GNA14: variants seen among roughly 807,000 people sequenced by gnomAD.
The protein encoded by GNA14 is guanine nucleotide-binding protein subunit alpha-14.
In GNA14, 50 loss-of-function variants were observed where a neutral mutation model predicts 42.0. The observed-to-expected ratio is 1.19, with a 90% CI of 0.95 to 1.51. The LOEUF (loss-of-function observed/expected upper bound fraction) is 1.51. Ranked by LOEUF, GNA14 falls within the 40% of genes most tolerant of loss-of-function variation. The probability of loss-of-function intolerance (pLI) is 0.00; values close to 1 mark genes in which losing one functional copy is unlikely to be tolerated. For synonymous variants in GNA14, 173 were observed against 163.1 expected (o/e 1.06, Z -0.46); for missense variants, 473 against 446.2 (o/e 1.06, Z -0.54).
chr9:77,618,594 A>ATATATGTATG (rs958098574), intron 1 of GNA14, among the ~76,000 whole-genome samples: 1 of 12,336 alleles, frequency 8.1e-5, no homozygotes, highest in African/African-American at 3.0e-4. Flanking sequence ...ATATATATAT[A>ATATATGTATG]TATATATATA....
chr9:77,488,766 T>G (rs1182694609), intron 2 of GNA14, among the ~76,000 whole-genome samples: 1 of 125,564 alleles, frequency 8.0e-6, no homozygotes, highest in Non-Finnish European at 1.7e-5. Context: ...AAAGACTCTT[T>G]AAGCAAACAC....
At chr9:77,547,994 C>T (rs942383295) in intron 1 of GNA14, among the ~76,000 whole-genome samples, 1 of 152,128 alleles carries the variant, frequency 6.6e-6, no homozygotes, top group Admixed American at 6.6e-5. Context: ...AAGACAAGGT[C>T]GGAGATGGGA....
At chr9:77,564,148 G>A (rs73460100) in intron 1 of GNA14, among the ~76,000 whole-genome samples, 5 of 152,026 alleles carry the variant, frequency 3.3e-5, no homozygotes, top group Non-Finnish European at 7.4e-5. Context: ...GAGTCTACTG[G>A]TAATTGTTTG....
At chr9:77,626,323 A>G (rs1824012464) in intron 1 of GNA14, among the ~76,000 whole-genome samples, 2 of 152,162 alleles carry the variant, frequency 1.3e-5, no homozygotes, top group South Asian at 2.1e-4. Context: ...TCAATATTAG[A>G]TCAATGAGAC....
intron 1 of GNA14, among the ~76,000 whole-genome samples, chr9:77,558,938 A>C (rs1301094539): frequency 6.6e-6 from 1 of 151,882 alleles, no homozygotes; most frequent in Non-Finnish European, 1.5e-5. Flanking sequence ...ACAAAAAAAA[A>C]AACAAAAAAC....
chr9:77,436,981 G>C lies in GNA14; in HGVS notation c.310-2459C>G, dbSNP rs539587842. Among the ~76,000 whole-genome samples the C allele has an allele frequency of 1.9e-3, 284 of 152,358 alleles. 1 individual carries two copies. The highest frequency in any genetic ancestry group is 6.3e-3 in the African/African-American group (262 of 41,594). On this transcript the variant is annotated intron_variant, in intron 2 of 6. Transcript: ENST00000341700. ...CGGAGCAGGTCAGGGCCTCCTCTCA[G>C]AGGAGGAGATGCTCAGGCAACGCTT...
chr9:77,433,776 T>C (rs1835596719), intron 3 of GNA14, among the ~76,000 whole-genome samples: 1 of 152,212 alleles, frequency 6.6e-6, no homozygotes, highest in Non-Finnish European at 1.5e-5. Flanking sequence ...GGATCCAAAA[T>C]ACAGTGTGTA....
At chr9:77,599,357 T>C (rs997258757) in intron 1 of GNA14, among the ~76,000 whole-genome samples, 1 of 152,122 alleles carries the variant, frequency 6.6e-6, no homozygotes, top group African/African-American at 2.4e-5. Flanking sequence ...GAACGGAGAA[T>C]TTTTGAATAG....
chr9:77,532,284 T>A (rs1030937088), intron 1 of GNA14, among the ~76,000 whole-genome samples: 2 of 152,214 alleles, frequency 1.3e-5, no homozygotes, highest in African/African-American at 4.8e-5. Flanking sequence ...TTACACTGCT[T>A]ATTTCCCCCA....
intron 1 of GNA14, among the ~76,000 whole-genome samples, chr9:77,587,454 G>C (rs1046773074): frequency 6.6e-6 from 1 of 152,120 alleles, no homozygotes; most frequent in South Asian, 2.1e-4. Context: ...ATATACAATG[G>C]AATATTATTC....
intron 1 of GNA14, among the ~76,000 whole-genome samples, chr9:77,537,942 T>A (rs2131774411): frequency 6.6e-6 from 1 of 152,320 alleles, no homozygotes; most frequent in East Asian, 1.9e-4. Context: ...TGTTGAGTTA[T>A]TTGAGTTCCT....
At chr9:77,466,064 G>A (rs183956111) in intron 2 of GNA14, among the ~76,000 whole-genome samples, 29 of 152,232 alleles carry the variant, frequency 1.9e-4, no homozygotes, top group Admixed American at 1.6e-3. Flanking sequence ...TCAACAGTTC[G>A]ACTATAATGT....
intron 2 of GNA14, among the ~76,000 whole-genome samples, chr9:77,451,243 T>TA (rs1222580848): frequency 2.6e-5 from 4 of 152,064 alleles, no homozygotes; most frequent in Non-Finnish European, 5.9e-5. Flanking sequence ...TCCTCATTGG[T>TA]AAAATGAGGA....
intron 1 of GNA14, among the ~76,000 whole-genome samples, chr9:77,607,444 G>A (rs1823658757): frequency 1.3e-5 from 2 of 152,160 alleles, no homozygotes; most frequent in Non-Finnish European, 2.9e-5. Flanking sequence ...AGTGGCTGTA[G>A]TAAGGTTCTC....
At chr9:77,530,915 G>A (rs1194176921) in intron 1 of GNA14, among the ~76,000 whole-genome samples, 1 of 152,220 alleles carries the variant, frequency 6.6e-6, no homozygotes, top group African/African-American at 2.4e-5. Flanking sequence ...GACAAGCCAA[G>A]GTTGGGTGCA....
intron 1 of GNA14, among the ~76,000 whole-genome samples, chr9:77,554,139 G>A (rs941350777): frequency 6.6e-6 from 1 of 152,132 alleles, no homozygotes; most frequent in African/African-American, 2.4e-5. Flanking sequence ...GCCTCATCTG[G>A]GAAACGGGAA....
intron 1 of GNA14, among the ~76,000 whole-genome samples, chr9:77,641,534 A>C (rs1824267788): frequency 6.6e-6 from 1 of 151,888 alleles, no homozygotes; most frequent in South Asian, 2.1e-4. Flanking sequence ...GCTAATCGTA[A>C]GAAAATCACC....
At chr9:77,584,338 A>C (rs1317223272) in intron 1 of GNA14, among the ~76,000 whole-genome samples, 1 of 152,230 alleles carries the variant, frequency 6.6e-6, no homozygotes, top group Non-Finnish European at 1.5e-5. Context: ...TTAAAGTAAT[A>C]ATCCCCAATT....
intron 1 of GNA14, among the ~76,000 whole-genome samples, chr9:77,548,510 AAC>A (rs1327781622): frequency 6.6e-6 from 1 of 152,224 alleles, no homozygotes; most frequent in Non-Finnish European, 1.5e-5. Flanking sequence ...TCACAGGGTC[AAC>A]ACTCTTAAAT....
Sources: allele counts gnomAD v4.1 joint callset (sites outside exome capture counted in the v4.1 genomes callset), GRCh38; gene constraint gnomAD v4.1.1; transcripts MANE v1.5; gene names NCBI Gene and HGNC (gene_info 2026-07-23, HGNC 2026-07-21).